NOX4: variants seen among roughly 807,000 people sequenced by gnomAD.
NOX4 encodes kidney oxidase-1.
A neutral mutation model predicts 87.6 loss-of-function variants in NOX4; 69 were observed. That is an observed-to-expected ratio of 0.79 (90% CI 0.65 to 0.96). NOX4 has a LOEUF of 0.96. NOX4 is among the 40% of genes least tolerant of loss of function. The pLI, the probability that NOX4 is intolerant of heterozygous loss-of-function variation, is 0.00. For missense variants in NOX4, 680 were observed against 681.5 expected, an observed-to-expected ratio of 1.00 and a Z score of 0.02; for synonymous variants, 275 against 238.2, an observed-to-expected ratio of 1.15 and a Z score of -1.42.
chr11:89,498,574 C>T (rs984755844), upstream of NOX4, among the ~76,000 whole-genome samples: 2 of 152,108 alleles, frequency 1.3e-5, no homozygotes, highest in African/African-American at 4.8e-5. Flanking sequence ...ATTTCTGTAC[C>T]CTATTTTTCC....
At chr11:89,504,265 A>G in the NOX4 span, among the ~76,000 whole-genome samples, 3 of 151,962 alleles carry the variant, frequency 2.0e-5, no homozygotes, top group South Asian at 4.1e-4. Flanking sequence ...AGGGTGACAG[A>G]AAAAGTGGCA....
chr11:89,392,169 TAAATG>T (rs1941178097), intron 11 of NOX4, among the ~76,000 whole-genome samples: 2 of 152,124 alleles, frequency 1.3e-5, no homozygotes, highest in Admixed American at 1.3e-4. Flanking sequence ...TTTTTTTTCT[TAAATG>T]AAAAAGTAAG....
intron 17 of NOX4, among the ~76,000 whole-genome samples, chr11:89,332,667 A>G (rs771449770): frequency 2.0e-5 from 3 of 151,816 alleles, no homozygotes; most frequent in Non-Finnish European, 2.9e-5. Flanking sequence ...GAACATGGTA[A>G]AATAAGATTG....
intron 8 of NOX4, among the ~76,000 whole-genome samples, chr11:89,409,279 C>T (rs577004518): frequency 5.7e-4 from 86 of 152,010 alleles, no homozygotes; most frequent in Non-Finnish European, 9.7e-4. Context: ...TCTTGTAATA[C>T]CAGCTGTGAA....
intron 2 of NOX4, among the ~76,000 whole-genome samples, chr11:89,465,105 C>T (rs1466095140): frequency 1.3e-5 from 2 of 152,154 alleles, no homozygotes; most frequent in African/African-American, 4.8e-5. Context: ...CCATCAACTA[C>T]ATTAGGTATT....
the NOX4 span, among the ~76,000 whole-genome samples, chr11:89,551,133 A>G: frequency 2.6e-5 from 4 of 152,132 alleles, no homozygotes; most frequent in South Asian, 2.1e-4. Context: ...TTTCTGTTCC[A>G]TTGGTCTATA....
At chr11:89,438,877 TATA>T (rs1212938421) in intron 6 of NOX4, among the ~76,000 whole-genome samples, 2 of 55,360 alleles carry the variant, frequency 3.6e-5, no homozygotes, top group Non-Finnish European at 5.5e-5. Context: ...ATATATATAA[TATA>T]TAATATATTA....
chr11:89,393,380 T>C (rs953136114), intron 11 of NOX4, among the ~76,000 whole-genome samples: 3 of 152,066 alleles, frequency 2.0e-5, no homozygotes, highest in African/African-American at 7.2e-5. Flanking sequence ...GAAATGTCTT[T>C]ATTATGTTAA....
the NOX4 span, among the ~76,000 whole-genome samples, chr11:89,583,648 C>G: frequency 6.6e-6 from 1 of 152,094 alleles, no homozygotes; most frequent in Non-Finnish European, 1.5e-5. Context: ...AAGTTATCCC[C>G]TTAATTAAGA....
chr11:89,384,829 G>A (rs1006823095), intron 11 of NOX4, among the ~76,000 whole-genome samples: 3 of 152,026 alleles, frequency 2.0e-5, no homozygotes, highest in Non-Finnish European at 4.4e-5. Context: ...TACTGTTTTA[G>A]GCTGGCCCCC....
intron 8 of NOX4, 126 bp from the exon 9 acceptor site, chr11:89,402,668 AAG>A: frequency 1.4e-6 from 1 of 738,308 alleles, no homozygotes; most frequent in Middle Eastern, 3.9e-4. Context: ...TTTATCCAAA[AAG>A]TGTTCCTTAT....
chr11:89,402,264 G>A, intron 9 of NOX4, 62 bp downstream of exon 9: 2 of 1,194,280 alleles, frequency 1.7e-6, no homozygotes, highest in Non-Finnish European at 2.5e-6. Flanking sequence ...ACATTTATAT[G>A]TGATGTTGAT....
chr11:89,408,375 T>C (rs1942300895), intron 8 of NOX4, among the ~76,000 whole-genome samples: 1 of 152,218 alleles, frequency 6.6e-6, no homozygotes, highest in East Asian at 1.9e-4. Flanking sequence ...AGGTCTATAT[T>C]TTAGCAAATG....
intron 11 of NOX4, among the ~76,000 whole-genome samples, chr11:89,394,657 C>G (rs1353016991): frequency 6.6e-6 from 1 of 152,088 alleles, no homozygotes; most frequent in Non-Finnish European, 1.5e-5. Context: ...CCCCTAGCCC[C>G]CCACCCCATG....
At chr11:89,521,060 A>C in the NOX4 span, among the ~76,000 whole-genome samples, 1 of 152,176 alleles carries the variant, frequency 6.6e-6, no homozygotes, top group Non-Finnish European at 1.5e-5. Flanking sequence ...CAAATGGAAA[A>C]ACATTTCATG....
the NOX4 span, among the ~76,000 whole-genome samples, chr11:89,519,694 C>T: frequency 1.3e-5 from 2 of 152,020 alleles, no homozygotes; most frequent in African/African-American, 4.8e-5. Context: ...CGTTAAAATC[C>T]TGCAGTGAAG....
the NOX4 span, among the ~76,000 whole-genome samples, chr11:89,544,167 A>G: frequency 6.6e-6 from 1 of 152,138 alleles, no homozygotes; most frequent in Non-Finnish European, 1.5e-5. Context: ...ATTTCAACCA[A>G]TATTTGTTAA....
chr11:89,403,749 T>C (rs1942011577), intron 8 of NOX4, among the ~76,000 whole-genome samples: 2 of 151,980 alleles, frequency 1.3e-5, no homozygotes, highest in African/African-American at 2.4e-5. Flanking sequence ...GTCTCAAAAA[T>C]AAATAAATAA....
chr11:89,352,816 T>TTTTTG (rs1937663414), intron 13 of NOX4, among the ~76,000 whole-genome samples: 1 of 152,164 alleles, frequency 6.6e-6, no homozygotes, highest in Non-Finnish European at 1.5e-5. Flanking sequence ...TGTTTGTCAT[T>TTTTTG]TTTTGTTTTG....
Sources: allele counts gnomAD v4.1 joint callset (sites outside exome capture counted in the v4.1 genomes callset), GRCh38; gene constraint gnomAD v4.1.1; transcripts MANE v1.5; gene names NCBI Gene and HGNC (gene_info 2026-07-23, HGNC 2026-07-21).